Variants in NUP214 observed in about 807,000 individuals in gnomAD.
NUP214 encodes the protein nucleoporin 214.
NUP214 carries 79 observed loss-of-function variants against 196.2 expected under a neutral mutation model. That is an observed-to-expected ratio of 0.40 (90% CI 0.34 to 0.49). The LOEUF (loss-of-function observed/expected upper bound fraction) is 0.49, where lower values mean the gene tolerates loss of function less well. Among genes scored for constraint, NUP214 ranks in the 20% least tolerant of loss-of-function variants. The pLI, the probability that NUP214 is intolerant of heterozygous loss-of-function variation, is 0.58. For missense variants in NUP214, 2,468 were observed against 2,539.0 expected, an observed-to-expected ratio of 0.97 and a Z score of 0.60; for synonymous variants, 1,020 against 990.5, an observed-to-expected ratio of 1.03 and a Z score of -0.56.
intron 31 of NUP214, among the ~76,000 whole-genome samples, chr9:131,219,505 G>C (rs1037293118): frequency 6.6e-6 from 1 of 152,198 alleles, no homozygotes; most frequent in African/African-American, 2.4e-5. Context: ...GAGAACACCA[G>C]TACTTGGAGT....
chr9:131,166,386 A>G (rs1042276862), intron 21 of NUP214, among the ~76,000 whole-genome samples: 1 of 152,194 alleles, frequency 6.6e-6, no homozygotes, highest in African/African-American at 2.4e-5. Flanking sequence ...TTACTTATTC[A>G]TTCATTCAAT....
intron 31 of NUP214, among the ~76,000 whole-genome samples, chr9:131,216,730 TTGGC>T (rs1308549323): frequency 6.6e-6 from 1 of 151,260 alleles, no homozygotes; most frequent in Non-Finnish European, 1.5e-5. Flanking sequence ...TTTTACCATG[TTGGC>T]CAGGCTGGTC....
At chr9:131,181,354 G>T (rs1223642084) in intron 24 of NUP214, among the ~76,000 whole-genome samples, 4 of 152,144 alleles carry the variant, frequency 2.6e-5, no homozygotes, top group Non-Finnish European at 5.9e-5. Flanking sequence ...CCTGCTTTCA[G>T]TTCTTTTGGG....
Position 131,215,261 on chromosome 9 carries a change from G to A in NUP214, c.5642G>A (p.Arg1881Lys). 1 of 1,603,628 alleles carries A rather than the reference G, an allele frequency of 6.2e-7. No individual in the cohort carries two copies. The highest frequency in any genetic ancestry group is 8.5e-7 in the Non-Finnish European group (1 of 1,175,204). ...GTGTTTGGGTCTGGAAACACTGGAA[G>A]AGGGGGAGGTTTCTTCAGTGGCCTT... ...GSVFGSGNTG[R>K]GGGFFSGLGG... Residue 1881 changes from arginine (R) to lysine (K), a missense_variant, in exon 31 of 36, where the codon AGA becomes AAA. Arg to Lys is a conservative substitution (Grantham distance 26). Coordinates refer to ENST00000359428, the MANE Select transcript of NUP214 (RefSeq NM_005085.4).
chr9:131,207,213 T>C (rs930937382), intron 30 of NUP214, among the ~76,000 whole-genome samples: 3 of 152,244 alleles, frequency 2.0e-5, no homozygotes, highest in Admixed American at 6.5e-5. Context: ...TACTGCTGTA[T>C]AACAAATTGC....
In NUP214 at chr9:131,156,557, GT is replaced by G. The variant is rs552904479; in HGVS notation, c.2437-2813del. 4.9e-3 allele frequency among the ~76,000 whole-genome samples: 675 copies of G among 138,768 alleles called. 22 individuals are homozygous for G. The highest frequency in any genetic ancestry group is 0.037 in the Admixed American group (521 of 13,978). 91.0% of individuals were successfully genotyped at this position (138,768 alleles called of 152,430 possible). A position where few individuals can be genotyped will look rare whatever the true frequency, so the allele number is the denominator to read the frequency against. On this transcript the variant is annotated intron_variant, in intron 17 of 35. Coordinates refer to ENST00000359428, the MANE Select transcript of NUP214 (RefSeq NM_005085.4). ...CCTCCTTGGTTAGGTATATTCCTAA[GT>G]TTTTTTTTTTTTGTTCTTTTTTTTT...
chr9:131,184,900 T>G (rs1176370517), intron 24 of NUP214, among the ~76,000 whole-genome samples: 1 of 152,242 alleles, frequency 6.6e-6, no homozygotes, highest in African/African-American at 2.4e-5. Context: ...TCTATCATTT[T>G]CATTCTTTTT....
intron 16 of NUP214, 147 bp from the exon 17 acceptor site, chr9:131,151,589 G>A: frequency 1.8e-6 from 1 of 570,448 alleles, no homozygotes; most frequent in South Asian, 2.8e-5. Flanking sequence ...GTTCTAAACA[G>A]TTAAATTCTT....
At chr9:131,136,155 T>G in intron 9 of NUP214, 149 bp downstream of exon 9, 1 of 612,018 alleles carries the variant, frequency 1.6e-6, no homozygotes, top group Non-Finnish European at 2.8e-6. Context: ...ATTTTGTGCC[T>G]CAGCCTCCCA....
chr9:131,171,552 T>C (rs1380676448), intron 21 of NUP214, among the ~76,000 whole-genome samples: 1 of 151,150 alleles, frequency 6.6e-6, no homozygotes, highest in Non-Finnish European at 1.5e-5. Context: ...ATTTTCTTTT[T>C]TTTTTTTTTT....
intron 27 of NUP214, among the ~76,000 whole-genome samples, chr9:131,192,941 CAAA>C (rs34653431): frequency 0.017 from 512 of 30,946 alleles, 1 homozygote; most frequent in African/African-American, 0.06. Flanking sequence ...ACCCCGTCTC[CAAA>C]AAAAAAAAAA....
At chr9:131,156,733 GT>G (rs1832462039) in intron 17 of NUP214, among the ~76,000 whole-genome samples, 1 of 152,084 alleles carries the variant, frequency 6.6e-6, no homozygotes, top group Non-Finnish European at 1.5e-5. Context: ...TTTTGGATGA[GT>G]CTTTAGGGTT....
chr9:131,220,608 C>T (rs532185211), intron 31 of NUP214, among the ~76,000 whole-genome samples: 4 of 152,164 alleles, frequency 2.6e-5, no homozygotes, highest in African/African-American at 7.2e-5. Flanking sequence ...CAGCCTTTTC[C>T]GAGAGTCTAC....
chr9:131,133,302 G>GTT, intron 7 of NUP214, 93 bp downstream of exon 7: 45 of 500,216 alleles, frequency 9.0e-5, no homozygotes, highest in South Asian at 4.4e-4. Context: ...TTTTGTGTTT[G>GTT]TGTTTTTTTT....
intron 18 of NUP214, 44 bp downstream of exon 18, chr9:131,159,530 C>T: frequency 6.9e-7 from 1 of 1,449,308 alleles, no homozygotes; most frequent in Non-Finnish European, 9.7e-7. Context: ...ATAGATATTG[C>T]TATTGCCATT....
intron 32 of NUP214, among the ~76,000 whole-genome samples, chr9:131,225,690 C>A (rs2131100933): frequency 6.6e-6 from 1 of 152,218 alleles, no homozygotes; most frequent in Non-Finnish European, 1.5e-5. Flanking sequence ...AGAGCTTTTT[C>A]TATTGAAAGA....
Position 131,187,360 on chromosome 9 carries a change from A to G in NUP214, c.3491A>G (p.Lys1164Arg). 1 of 1,604,106 alleles carries G rather than the reference A, an allele frequency of 6.2e-7. No homozygotes were observed. The highest frequency in any genetic ancestry group is 8.5e-7 in the Non-Finnish European group (1 of 1,171,936). The change falls in exon 25 of 36, where the codon AAG becomes AGG. Residue 1164 changes from lysine (K) to arginine (R), a missense_variant. Lys to Arg is a conservative substitution (Grantham distance 26). Coordinates refer to ENST00000359428, the MANE Select transcript of NUP214 (RefSeq NM_005085.4). ...VLTPVAANQAKQGSLINSLKP... is the reference protein window; with the variant it reads ...VLTPVAANQARQGSLINSLKP... The stretch of plus-strand genomic sequence containing the variant: ...ACCCCAGTGGCTGCTAACCAAGCCA[A>G]GCAGGTAACTTACTGATTTTTACTT...
intron 24 of NUP214, among the ~76,000 whole-genome samples, chr9:131,181,370 A>C (rs183532365): frequency 1.3e-5 from 2 of 152,200 alleles, no homozygotes; most frequent in African/African-American, 2.4e-5. Context: ...TTGGGTATGT[A>C]TGTAGGAGTG....
chr9:131,201,420 G>T (rs12235470), intron 29 of NUP214, among the ~76,000 whole-genome samples: 1 of 151,544 alleles, frequency 6.6e-6, no homozygotes, highest in African/African-American at 2.4e-5. Context: ...AAAAAAATTA[G>T]CTGGGCATGG....
Sources: allele counts gnomAD v4.1 joint callset (sites outside exome capture counted in the v4.1 genomes callset), GRCh38; gene constraint gnomAD v4.1.1; transcripts MANE v1.5; gene names NCBI Gene and HGNC (gene_info 2026-07-23, HGNC 2026-07-21).